Variants in RASGEF1A observed in about 807,000 individuals in gnomAD.
RASGEF1A encodes ras-GEF domain-containing family member 1A.
Under a neutral mutation model 56.4 loss-of-function variants are expected in RASGEF1A, and 18 were observed. The observed-to-expected ratio is 0.32, with a 90% CI of 0.22 to 0.47. The LOEUF (loss-of-function observed/expected upper bound fraction) is 0.47. RASGEF1A is among the 20% of genes least tolerant of loss of function. The pLI is 1.00. For synonymous variants in RASGEF1A, 245 were observed against 242.6 expected (o/e 1.01, Z -0.09); for missense variants, 422 against 627.1 (o/e 0.67, Z 3.49).
At chr10:43,215,605 C>T (rs901462317) in intron 1 of RASGEF1A, among the ~76,000 whole-genome samples, 6 of 152,188 alleles carry the variant, frequency 3.9e-5, no homozygotes, top group Non-Finnish European at 8.8e-5. Context: ...CTGAAATTAC[C>T]GGCACTGGGG....
intron 1 of RASGEF1A, among the ~76,000 whole-genome samples, chr10:43,248,740 T>A (rs573851377): frequency 6.6e-6 from 1 of 152,218 alleles, no homozygotes; most frequent in African/African-American, 2.4e-5. Context: ...TTGGCCTGAG[T>A]TTAAGGCTAG....
chr10:43,239,619 C>T (rs560730813), intron 1 of RASGEF1A, among the ~76,000 whole-genome samples: 1 of 152,332 alleles, frequency 6.6e-6, no homozygotes, highest in African/African-American at 2.4e-5. Context: ...TCCCAAGTGC[C>T]TTGAAAAGTA....
Position 43,196,077 on chromosome 10 carries a change from G to C in RASGEF1A, c.*167C>G, listed in dbSNP as rs372453969. On this transcript the variant is annotated 3_prime_UTR_variant, in exon 13 of 13. Coordinates refer to ENST00000395810, the MANE Select transcript of RASGEF1A (RefSeq NM_145313.4). The surrounding 1 kb of genome is among the most constrained non-coding windows in gnomAD (Gnocchi z 4.6). The stretch of plus-strand genomic sequence containing the variant: ...ATTTAAAATAAACAAAAAAAACTTT[G>C]TAAGTGCCAAAGGTTGATGCGTGAA... 3 of 601,392 alleles carry C rather than the reference G, an allele frequency of 5.0e-6. No homozygotes were observed. The highest frequency in any genetic ancestry group is 2.7e-4 in the Middle Eastern group (1 of 3,728). 37.3% of individuals were successfully genotyped at this position (601,392 alleles called of 1,614,324 possible). A position where few individuals can be genotyped will look rare whatever the true frequency, so the allele number is the denominator to read the frequency against.
chr10:43,229,527 G>A (rs1588942748), intron 1 of RASGEF1A: 1 of 919,456 alleles, frequency 1.1e-6, no homozygotes, highest in Non-Finnish European at 1.6e-6. Context: ...CCTCAGGGCG[G>A]GCACCCTCCC....
intron 3 of RASGEF1A, 38 bp downstream of exon 3, chr10:43,203,260 C>T (rs1432667678): frequency 1.3e-6 from 2 of 1,543,628 alleles, no homozygotes; most frequent in Non-Finnish European, 1.7e-6. Context: ...CCTCCTGCCC[C>T]CTGCCCCCGC....
chr10:43,245,412 A>G (rs377328362), intron 1 of RASGEF1A, among the ~76,000 whole-genome samples: 1 of 152,212 alleles, frequency 6.6e-6, no homozygotes, highest in East Asian at 1.9e-4. Context: ...CAAAGCACTA[A>G]CCAATTCATT....
At chr10:43,197,440 C>T (rs910304204) in intron 10 of RASGEF1A, among the ~76,000 whole-genome samples, 2 of 152,240 alleles carry the variant, frequency 1.3e-5, no homozygotes, top group African/African-American at 4.8e-5. Context: ...GCGGCGCCAA[C>T]CAGAACGTGT....
intron 1 of RASGEF1A, chr10:43,207,552 G>C: frequency 1.0e-6 from 1 of 985,446 alleles, no homozygotes; most frequent in Non-Finnish European, 1.2e-6. Context: ...GAAAGTCTTT[G>C]GCAAGGAGAG....
At chr10:43,206,858 T>A in intron 1 of RASGEF1A, 1 of 985,870 alleles carries the variant, frequency 1.0e-6, no homozygotes, top group Non-Finnish European at 1.2e-6. Flanking sequence ...GGAACTGGCT[T>A]TGGGGCCTGT....
chr10:43,202,444 C>A (rs1345276834), intron 3 of RASGEF1A, among the ~76,000 whole-genome samples: 1 of 152,264 alleles, frequency 6.6e-6, no homozygotes, highest in Admixed American at 6.5e-5. Context: ...GACTGGCCCT[C>A]TTGGCTGAAA....
At chr10:43,209,682 GC>G (rs34314288) in intron 1 of RASGEF1A, among the ~76,000 whole-genome samples, 14 of 141,550 alleles carry the variant, frequency 9.9e-5, no homozygotes, top group Non-Finnish European at 1.4e-4. Flanking sequence ...AGCTCAGGAA[GC>G]CCCCCCACCA....
intron 1 of RASGEF1A, among the ~76,000 whole-genome samples, chr10:43,246,340 T>C (rs1289654628): frequency 6.6e-6 from 1 of 152,180 alleles, no homozygotes; most frequent in African/African-American, 2.4e-5. Flanking sequence ...ACTCCCCAAA[T>C]TGACCTACAG....
intron 1 of RASGEF1A, among the ~76,000 whole-genome samples, chr10:43,263,420 G>A (rs1241397739): frequency 3.9e-5 from 6 of 152,152 alleles, no homozygotes; most frequent in Admixed American, 1.3e-4. Context: ...ACCAGGGTGC[G>A]GACGGCTGAG....
intron 1 of RASGEF1A, among the ~76,000 whole-genome samples, chr10:43,224,251 A>G (rs1323287598): frequency 2.6e-5 from 4 of 152,192 alleles, no homozygotes; most frequent in Non-Finnish European, 5.9e-5. Flanking sequence ...CTTCCTATTC[A>G]TTTTATAAAG....
At chr10:43,215,988 G>C (rs11238476) in intron 1 of RASGEF1A, among the ~76,000 whole-genome samples, 1 of 152,108 alleles carries the variant, frequency 6.6e-6, no homozygotes, top group African/African-American at 2.4e-5. Context: ...TGGCGCCAAA[G>C]CCTGGGAGCT....
At chr10:43,266,617 G>T (rs1384722543) in intron 1 of RASGEF1A, among the ~76,000 whole-genome samples, 1 of 149,248 alleles carries the variant, frequency 6.7e-6, no homozygotes, top group Non-Finnish European at 1.5e-5. Context: ...GCGCCGTCCA[G>T]CCCGGGGCGG....
intron 1 of RASGEF1A, among the ~76,000 whole-genome samples, chr10:43,245,607 T>C (rs756756190): frequency 1.3e-5 from 2 of 152,228 alleles, no homozygotes; most frequent in African/African-American, 2.4e-5. Flanking sequence ...ATTCAAGGAA[T>C]GTAAGGTTAG....
chr10:43,196,862 G>A lies in RASGEF1A; in HGVS notation c.1348+114C>T, dbSNP rs1839806280. ...CGCCCCTGCGAGCAGAGCCAGCCCT[G>A]TGTGGCATGGAGCAGCCAGCAGGCC... On this transcript the variant is annotated intron_variant, in intron 11 of 12. Coordinates refer to ENST00000395810, the MANE Select transcript of RASGEF1A (RefSeq NM_145313.4). The surrounding 1 kb of genome is among the most constrained non-coding windows in gnomAD (Gnocchi z 4.6). The A allele has an allele frequency of 3.0e-6, 4 of 1,320,008 alleles. No homozygotes were observed. The highest frequency in any genetic ancestry group is 4.2e-6 in the Non-Finnish European group (4 of 954,230). 81.8% of individuals were successfully genotyped at this position (1,320,008 alleles called of 1,614,324 possible).
intron 2 of RASGEF1A, among the ~76,000 whole-genome samples, chr10:43,204,656 A>G (rs1839966766): frequency 6.7e-6 from 1 of 148,558 alleles, no homozygotes; most frequent in Non-Finnish European, 1.5e-5. Context: ...ACCGGTGCAC[A>G]TGGGGAAGGG....
Sources: allele counts gnomAD v4.1 joint callset (sites outside exome capture counted in the v4.1 genomes callset), GRCh38; gene constraint gnomAD v4.1.1; non-coding constraint Gnocchi (gnomAD v3.1); transcripts MANE v1.5; gene names NCBI Gene and HGNC (gene_info 2026-07-23, HGNC 2026-07-21).